TTLL7: variants seen among roughly 807,000 people sequenced by gnomAD.
TTLL7 encodes the protein tubulin polyglutamylase TTLL7.
In TTLL7, 53 loss-of-function variants were observed where a neutral mutation model predicts 120.2. That is an observed-to-expected ratio of 0.44 (90% CI 0.35 to 0.55). The LOEUF (loss-of-function observed/expected upper bound fraction) is 0.55. Among genes scored for constraint, TTLL7 ranks in the 20% least tolerant of loss-of-function variants. The pLI is 0.00. For synonymous variants in TTLL7, 353 were observed against 351.7 expected, an observed-to-expected ratio of 1.00 and a Z score of -0.04; for missense variants, 803 against 1,054.7, an observed-to-expected ratio of 0.76 and a Z score of 3.31.
intron 13 of TTLL7, 47 bp downstream of exon 13, chr1:83,919,652 T>G (rs1658479846): frequency 6.5e-7 from 1 of 1,530,760 alleles, no homozygotes; most frequent in African/African-American, 1.4e-5. Flanking sequence ...AAAGACATAT[T>G]GTTTAGCTTT....
intron 16 of TTLL7, 78 bp from the exon 17 acceptor site, chr1:83,906,541 G>C: frequency 1.9e-6 from 3 of 1,591,634 alleles, no homozygotes; most frequent in Non-Finnish European, 2.6e-6. Context: ...ATATTTCTAG[G>C]TAAAAATGAT....
chr1:83,886,862 G>C (rs1246937775), intron 19 of TTLL7, among the ~76,000 whole-genome samples: 7 of 151,920 alleles, frequency 4.6e-5, no homozygotes, highest in South Asian at 4.2e-4. Context: ...GCCTAAGTTT[G>C]AGTCCCATAG....
chr1:83,997,239 C>T (rs1653565383), intron 1 of TTLL7, among the ~76,000 whole-genome samples: 2 of 152,046 alleles, frequency 1.3e-5, no homozygotes, highest in Admixed American at 6.5e-5. Flanking sequence ...ACCATCAATA[C>T]TATGTGAGTA....
chr1:83,947,443 T>C, intron 5 of TTLL7, 161 bp from the exon 6 acceptor site: 2 of 635,076 alleles, frequency 3.1e-6, no homozygotes, highest in Non-Finnish European at 5.2e-6. Context: ...ACTGAGCACC[T>C]ATTAAGTGTT....
chr1:83,882,912 T>C, intron 20 of TTLL7, 51 bp downstream of exon 20: 1 of 1,574,710 alleles, frequency 6.4e-7, no homozygotes, highest in Non-Finnish European at 8.6e-7. Flanking sequence ...AACTGTGTTT[T>C]AGCATTACTT....
chr1:83,929,107 A>C, intron 10 of TTLL7, 29 bp downstream of exon 10: 3 of 1,473,450 alleles, frequency 2.0e-6, no homozygotes, highest in Non-Finnish European at 9.3e-7. Context: ...GTGGAGATAA[A>C]TGTCCAAAAG....
At chr1:83,947,424 CA>C in intron 5 of TTLL7, 142 bp from the exon 6 acceptor site, 3 of 715,396 alleles carry the variant, frequency 4.2e-6, no homozygotes, top group Non-Finnish European at 6.6e-6. Flanking sequence ...ATTCATTCAA[CA>C]AATGTCTACT....
chr1:83,911,593 G>T (rs370092139), intron 14 of TTLL7, among the ~76,000 whole-genome samples: 1 of 151,954 alleles, frequency 6.6e-6, no homozygotes, highest in South Asian at 2.1e-4. Context: ...GGAATATGTT[G>T]TTCCTACATG....
intron 1 of TTLL7, among the ~76,000 whole-genome samples, chr1:83,987,375 C>T (rs1652570721): frequency 6.6e-6 from 1 of 152,100 alleles, no homozygotes. Context: ...GTGATGATGG[C>T]AATTCTCCCT....
chr1:83,941,837 A>C (rs1200395008), intron 7 of TTLL7, among the ~76,000 whole-genome samples: 1 of 152,212 alleles, frequency 6.6e-6, no homozygotes, highest in East Asian at 1.9e-4. Flanking sequence ...TAATGAAAAC[A>C]TATCTACACA....
intron 10 of TTLL7, among the ~76,000 whole-genome samples, chr1:83,927,035 TTC>T (rs757859339): frequency 5.9e-5 from 9 of 152,152 alleles, no homozygotes; most frequent in Non-Finnish European, 8.8e-5. Flanking sequence ...TCAAATTGCA[TTC>T]TGTCATCCAA....
chr1:83,892,955 G>GA (rs1246789021), intron 18 of TTLL7, among the ~76,000 whole-genome samples: 29 of 79,004 alleles, frequency 3.7e-4, no homozygotes, highest in Non-Finnish European at 6.4e-4. Context: ...AGAAAGAAAA[G>GA]AATAAAAGAA....
At chr1:83,995,088 T>A (rs1653360978) in intron 1 of TTLL7, among the ~76,000 whole-genome samples, 1 of 152,184 alleles carries the variant, frequency 6.6e-6, no homozygotes, top group South Asian at 2.1e-4. Flanking sequence ...ACCAACTGCC[T>A]GCCTTTCTCC....
At chr1:83,874,529 T>C (rs1653738591) in intron 20 of TTLL7, among the ~76,000 whole-genome samples, 1 of 152,054 alleles carries the variant, frequency 6.6e-6, no homozygotes, top group African/African-American at 2.4e-5. Flanking sequence ...ATTCTATATT[T>C]AATTTTTTAG....
At chr1:83,910,132 T>C (rs537987962) in intron 15 of TTLL7, among the ~76,000 whole-genome samples, 1 of 152,304 alleles carries the variant, frequency 6.6e-6, no homozygotes, top group Admixed American at 6.5e-5. Flanking sequence ...GAGAATAATG[T>C]ATAAACAAAG....
At position 83,869,375 on chromosome 1, in the gene TTLL7, T is replaced by G. The variant is rs1234262091; in HGVS notation, c.*587A>C. The stretch of plus-strand genomic sequence containing the variant: ...TTTCCACATAGAGGAATAAAAAGAT[T>G]GGAGAATCAGGTTATGACTTTTCTA... On this transcript the variant is annotated 3_prime_UTR_variant, in exon 21 of 21. Transcript: ENST00000260505. 6.6e-6 allele frequency: 1 copy of G among 152,210 alleles called. No homozygotes were observed. Among genetic ancestry groups the G allele is most frequent in the Admixed American group, 6.5e-5 (1 of 15,282 alleles). The allele number at this position is 152,210 out of a possible 1,614,324, so 9.4% of individuals were successfully genotyped here.
At position 83,910,326 on chromosome 1, in the gene TTLL7, C is replaced by A. The variant is rs1296282233; in HGVS notation, c.1786+839G>T. Reference sequence around the variant, plus strand: ...TATTGAGCTGGTTCCTTTAGTGGAACCCTAGGACAGTGGAGCACGAGGCAA... The same window carrying A: ...TATTGAGCTGGTTCCTTTAGTGGAAACCTAGGACAGTGGAGCACGAGGCAA... On this transcript the variant is annotated intron_variant, in intron 15 of 20. Coordinates refer to ENST00000260505, the MANE Select transcript of TTLL7 (RefSeq NM_024686.6). Among the ~76,000 whole-genome samples the A allele has an allele frequency of 7.9e-5, 12 of 152,018 alleles. No individual in the cohort carries two copies. In the East Asian group the frequency reaches 2.3e-3, roughly 29 times the overall value.
Position 83,952,405 on chromosome 1 carries a change from C to T in TTLL7, c.-176-18G>A. 2.1e-6 allele frequency: 1 copy of T among 484,034 alleles called. No individual in the cohort carries two copies. The highest frequency in any genetic ancestry group is 3.5e-6 in the Non-Finnish European group (1 of 289,750). 30.0% of individuals were successfully genotyped at this position (484,034 alleles called of 1,614,324 possible). A position where few individuals can be genotyped will look rare whatever the true frequency, so the allele number is the denominator to read the frequency against. On this transcript the variant is annotated intron_variant, in intron 1 of 20. Transcript: ENST00000260505. Reference sequence around the variant, plus strand: ...CAAGGTACCTGCAGTGATTTTAAAACAAGGTCATTTAGAAAAAACTTTTTT... The same window carrying T: ...CAAGGTACCTGCAGTGATTTTAAAATAAGGTCATTTAGAAAAAACTTTTTT...
chr1:83,917,145 C>T (rs554709525), intron 14 of TTLL7, among the ~76,000 whole-genome samples: 1 of 148,950 alleles, frequency 6.7e-6, no homozygotes, highest in Non-Finnish European at 1.5e-5. Flanking sequence ...ATCTACATGA[C>T]AGCTTTCTAC....
Sources: allele counts gnomAD v4.1 joint callset (sites outside exome capture counted in the v4.1 genomes callset), GRCh38; gene constraint gnomAD v4.1.1; transcripts MANE v1.5; gene names NCBI Gene and HGNC (gene_info 2026-07-23, HGNC 2026-07-21).